Variants in MAST4 observed in about 807,000 individuals in gnomAD.
The protein encoded by MAST4 is microtubule associated serine/threonine kinase family member 4.
In MAST4, 89 loss-of-function variants were observed where a neutral mutation model predicts 162.7. The ratio of observed to expected loss-of-function variants is 0.55; its 90% CI spans 0.46 to 0.65. The LOEUF (loss-of-function observed/expected upper bound fraction) is 0.65, where lower values mean the gene tolerates loss of function less well. MAST4 is among the 30% of genes least tolerant of loss of function. The pLI is 0.00. For synonymous variants in MAST4, 1,479 were observed against 1,361.1 expected (o/e 1.09, Z -1.91); for missense variants, 3,153 against 3,374.0 (o/e 0.93, Z 1.62).
intron 4 of MAST4, among the ~76,000 whole-genome samples, chr5:67,030,302 C>T (rs936113815): frequency 3.3e-5 from 5 of 152,008 alleles, no homozygotes; most frequent in African/African-American, 1.2e-4. Context: ...TATAGTGTTA[C>T]AAGCAATATT....
intron 3 of MAST4, among the ~76,000 whole-genome samples, chr5:66,799,450 C>T (rs1397344736): frequency 6.6e-6 from 1 of 152,194 alleles, no homozygotes; most frequent in Non-Finnish European, 1.5e-5. Context: ...GCCTAAAGAG[C>T]TCAGGAAAAT....
At chr5:67,013,267 G>A (rs748346194) in intron 4 of MAST4, among the ~76,000 whole-genome samples, 2 of 152,140 alleles carry the variant, frequency 1.3e-5, no homozygotes, top group Non-Finnish European at 2.9e-5. Context: ...TTGTGCCCCT[G>A]GAAAGTTTCT....
intron 1 of MAST4, among the ~76,000 whole-genome samples, chr5:66,700,726 C>T (rs1749710048): frequency 1.3e-5 from 2 of 151,004 alleles, no homozygotes; most frequent in Admixed American, 1.3e-4. Context: ...CAACAACTGA[C>T]TCTAAGCAAG....
At chr5:67,115,427 G>A (rs1191777920) in intron 12 of MAST4, among the ~76,000 whole-genome samples, 1 of 152,192 alleles carries the variant, frequency 6.6e-6, no homozygotes, top group African/African-American at 2.4e-5. Context: ...CTGTTTCCCG[G>A]CTTTGTTTGC....
intron 4 of MAST4, among the ~76,000 whole-genome samples, chr5:66,981,811 G>C (rs182526129): frequency 6.6e-6 from 1 of 152,170 alleles, no homozygotes; most frequent in Non-Finnish European, 1.5e-5. Context: ...TTCTGGAGGA[G>C]CATTAAAAAC....
intron 4 of MAST4, among the ~76,000 whole-genome samples, chr5:66,915,266 C>CAAA (rs70987147): frequency 2.9e-3 from 242 of 83,574 alleles, no homozygotes; most frequent in Non-Finnish European, 3.7e-3. Flanking sequence ...ACTCTTGTCT[C>CAAA]AAAAAAAAAA....
At chr5:66,663,962 G>A (rs1747075870) in intron 1 of MAST4, among the ~76,000 whole-genome samples, 1 of 152,160 alleles carries the variant, frequency 6.6e-6, no homozygotes, top group African/African-American at 2.4e-5. Flanking sequence ...GGTGGTGGAG[G>A]TGGTGAGAAG....
chr5:67,038,722 C>T (rs2150475797), intron 4 of MAST4, among the ~76,000 whole-genome samples: 1 of 152,134 alleles, frequency 6.6e-6, no homozygotes, highest in Non-Finnish European at 1.5e-5. Context: ...AATAGGTGCT[C>T]ATGTGATTTT....
intron 8 of MAST4, 54 bp from the exon 9 acceptor site, chr5:67,102,482 T>G: frequency 1.3e-6 from 2 of 1,483,572 alleles, no homozygotes; most frequent in Non-Finnish European, 1.9e-6. Flanking sequence ...ATAAAAAGCT[T>G]ATTTTCATTT....
chr5:66,798,720 A>T (rs535077206), intron 3 of MAST4, among the ~76,000 whole-genome samples: 1 of 152,180 alleles, frequency 6.6e-6, no homozygotes, highest in Admixed American at 6.5e-5. Context: ...CATTCTTTTC[A>T]TAAGAATTAA....
At chr5:66,610,404 A>G (rs1472035294) in intron 1 of MAST4, among the ~76,000 whole-genome samples, 2 of 152,220 alleles carry the variant, frequency 1.3e-5, no homozygotes, top group Non-Finnish European at 2.9e-5. Flanking sequence ...CCAGGATGAT[A>G]AATTCCTAGG....
At chr5:66,820,886 A>AG (rs1756961151) in intron 3 of MAST4, among the ~76,000 whole-genome samples, 1 of 152,202 alleles carries the variant, frequency 6.6e-6, no homozygotes, top group South Asian at 2.1e-4. Flanking sequence ...AAATAATAAG[A>AG]GAAAAAAAAA....
At chr5:67,079,056 G>T (rs1219211393) in intron 5 of MAST4, among the ~76,000 whole-genome samples, 1 of 148,096 alleles carries the variant, frequency 6.8e-6, no homozygotes, top group Non-Finnish European at 1.5e-5. Flanking sequence ...AAATATCAGT[G>T]CAGTGTCTTT....
intron 4 of MAST4, among the ~76,000 whole-genome samples, chr5:66,973,802 A>G (rs116246440): frequency 3.0e-4 from 45 of 152,238 alleles, no homozygotes; most frequent in Middle Eastern, 3.4e-3. Context: ...AGGAAGATTG[A>G]CTCATACATT....
At chr5:67,128,051 AT>A (rs577558121) in intron 14 of MAST4, among the ~76,000 whole-genome samples, 2 of 152,242 alleles carry the variant, frequency 1.3e-5, no homozygotes, top group East Asian at 3.9e-4. Context: ...GATTTTTGTT[AT>A]TTTTTTCAAC....
At chr5:67,047,970 A>C (rs1234509453) in intron 4 of MAST4, among the ~76,000 whole-genome samples, 2 of 152,216 alleles carry the variant, frequency 1.3e-5, no homozygotes. Flanking sequence ...ACTGATTTAC[A>C]TGAGAAAGAC....
chr5:66,734,832 T>G (rs1752067615), intron 1 of MAST4, among the ~76,000 whole-genome samples: 2 of 152,190 alleles, frequency 1.3e-5, no homozygotes, highest in African/African-American at 4.8e-5. Flanking sequence ...TTTGTATTTG[T>G]TTTTCTCCTA....
intron 3 of MAST4, among the ~76,000 whole-genome samples, chr5:66,859,711 A>C (rs1471884102): frequency 6.6e-6 from 1 of 152,232 alleles, no homozygotes; most frequent in Non-Finnish European, 1.5e-5. Context: ...ACATGAGATG[A>C]GTGATTTAAA....
chr5:66,967,848 T>G (rs1746938279), intron 4 of MAST4, among the ~76,000 whole-genome samples: 1 of 152,084 alleles, frequency 6.6e-6, no homozygotes, highest in African/African-American at 2.4e-5. Context: ...TAAGTGGAAT[T>G]TATGTACAAC....
Sources: allele counts gnomAD v4.1 joint callset (sites outside exome capture counted in the v4.1 genomes callset), GRCh38; gene constraint gnomAD v4.1.1; transcripts MANE v1.5; gene names NCBI Gene and HGNC (gene_info 2026-07-23, HGNC 2026-07-21).